Variants in SLC26A9 observed in about 807,000 individuals in gnomAD.
The protein encoded by SLC26A9 is solute carrier family 26 member 9, also known as anion transporter/exchanger protein 9.
SLC26A9 carries 46 observed loss-of-function variants against 87.1 expected under a neutral mutation model. That is an observed-to-expected ratio of 0.53 (90% CI 0.42 to 0.67). The LOEUF (loss-of-function observed/expected upper bound fraction) is 0.67, where lower values mean the gene tolerates loss of function less well. Among genes scored for constraint, SLC26A9 ranks in the 30% least tolerant of loss-of-function variants. The pLI, the probability that SLC26A9 is intolerant of heterozygous loss-of-function variation, is 0.00. For missense variants in SLC26A9, 927 were observed against 1,018.3 expected, an observed-to-expected ratio of 0.91 and a Z score of 1.22; for synonymous variants, 437 against 409.1, an observed-to-expected ratio of 1.07 and a Z score of -0.82.
intron 8 of SLC26A9, 144 bp downstream of exon 8, chr1:205,928,683 G>A (rs1659180465): frequency 1.3e-6 from 1 of 746,454 alleles, no homozygotes; most frequent in Admixed American, 2.6e-5. Context: ...TCAGGAAACG[G>A]TAATAGTAAT....
Position 205,939,263 on chromosome 1 carries a change from G to A in SLC26A9, c.-18-3425C>T, listed in dbSNP as rs187155941. Among the ~76,000 whole-genome samples, 156 of 152,266 alleles carry A rather than the reference G, an allele frequency of 1.0e-3. 1 individual carries two copies. Among genetic ancestry groups the A allele is most frequent in the Non-Finnish European group, 4.1e-4 (28 of 68,008 alleles). On this transcript the variant is annotated intron_variant, in intron 1 of 20. Coordinates refer to ENST00000367135, the MANE Select transcript of SLC26A9 (RefSeq NM_052934.4). The stretch of plus-strand genomic sequence containing the variant: ...TGATTTAACTCCAGTGTTCCTATTC[G>A]AAGGGGCTTCAGACCTTCCAGGGAC...
chr1:205,917,719 G>A (rs956914790), intron 19 of SLC26A9, among the ~76,000 whole-genome samples: 1 of 152,108 alleles, frequency 6.6e-6, no homozygotes. Context: ...TGCCTGCTTT[G>A]TCCCTCACAA....
At chr1:205,921,900 C>T in intron 16 of SLC26A9, 53 bp from the exon 17 acceptor site, 1 of 1,564,132 alleles carries the variant, frequency 6.4e-7, no homozygotes, top group Admixed American at 1.8e-5. Flanking sequence ...CTGAGCCAGA[C>T]CTTGCTGTGA....
At chr1:205,922,348 A>G (rs1379947920) in intron 16 of SLC26A9, among the ~76,000 whole-genome samples, 1 of 152,312 alleles carries the variant, frequency 6.6e-6, no homozygotes, top group Non-Finnish European at 1.5e-5. Flanking sequence ...CACGTTGGGC[A>G]GGCTGGTCTC....
intron 1 of SLC26A9, among the ~76,000 whole-genome samples, chr1:205,942,879 G>A (rs1659808360): frequency 6.6e-6 from 1 of 152,214 alleles, no homozygotes. Context: ...CCGAGCTGGT[G>A]GAGAAGTACA....
chr1:205,934,455 T>A (rs1215250815), intron 2 of SLC26A9, among the ~76,000 whole-genome samples: 1 of 152,216 alleles, frequency 6.6e-6, no homozygotes, highest in African/African-American at 2.4e-5. Flanking sequence ...ATTTGAGGGC[T>A]AGTCCATGCC....
chr1:205,923,761 G>A, intron 13 of SLC26A9, 148 bp from the exon 14 acceptor site: 1 of 811,680 alleles, frequency 1.2e-6, no homozygotes, highest in Non-Finnish European at 2.0e-6. Flanking sequence ...TTTTGCACTG[G>A]AGACACATGT....
intron 11 of SLC26A9, 70 bp from the exon 12 acceptor site, chr1:205,926,700 A>C: frequency 7.9e-7 from 1 of 1,264,876 alleles, no homozygotes; most frequent in Non-Finnish European, 1.2e-6. Context: ...CGCATACCCG[A>C]CCCCAAGGCC....
At position 205,921,659 on chromosome 1, in the gene SLC26A9, G is replaced by A. The variant is rs144796374; in HGVS notation, c.1962C>T (p.Ala654=). The A allele has an allele frequency of 1.7e-5, 27 of 1,605,284 alleles. No individual in the cohort carries two copies. In the African/African-American group the frequency reaches 3.5e-4, roughly 21 times the overall value. Residue 654 remains alanine, a synonymous_variant, in exon 17 of 21, where the codon GCC becomes GCT. Transcript: ENST00000367135. ...GGAAGGTGACGAAGGGTGGGACGCT[G>A]GCCAGCATGTCACTGGGCTCGCCGG... is the stretch of plus-strand genomic sequence containing the variant. The part of the protein sequence containing the change: ...EAPGEPSDML[A]SVPPFVTFHT...
At chr1:205,934,641 T>C (rs954551118) in intron 2 of SLC26A9, among the ~76,000 whole-genome samples, 2 of 152,260 alleles carry the variant, frequency 1.3e-5, no homozygotes, top group Non-Finnish European at 2.9e-5. Flanking sequence ...AAGGCTCTCA[T>C]GCCAGTATCA....
At chr1:205,940,706 T>C (rs1000446960) in intron 1 of SLC26A9, among the ~76,000 whole-genome samples, 1 of 152,182 alleles carries the variant, frequency 6.6e-6, no homozygotes, top group Non-Finnish European at 1.5e-5. Context: ...GGGTAGAACA[T>C]CTGCAGAGCA....
At chr1:205,916,140 A>G (rs1658582013) in intron 20 of SLC26A9, among the ~76,000 whole-genome samples, 1 of 152,212 alleles carries the variant, frequency 6.6e-6, no homozygotes, top group Non-Finnish European at 1.5e-5. Context: ...TCTGTCACCC[A>G]AGCTGGAGTG....
intron 1 of SLC26A9, among the ~76,000 whole-genome samples, chr1:205,941,517 T>G (rs76493476): frequency 0.03 from 4,636 of 152,148 alleles, 96 homozygotes; most frequent in African/African-American, 0.057. Flanking sequence ...TGTCCCTGTG[T>G]TTCCAGGGCA....
chr1:205,929,324 G>A lies in SLC26A9; in HGVS notation c.750C>T (p.His250=), dbSNP rs1659213936. 6.2e-7 allele frequency: 1 copy of A among 1,614,242 alleles called. No homozygotes were observed. The highest frequency in any genetic ancestry group is 1.3e-5 in the African/African-American group (1 of 75,074). Reference sequence around the variant, plus strand: ...CGAAGATGAGCGAGGCGATGTTGGTGTGGGGGAGGTTTTTGCAAATGTCAA... The same window carrying A: ...CGAAGATGAGCGAGGCGATGTTGGTATGGGGGAGGTTTTTGCAAATGTCAA... ...TFIDICKNLP[H]TNIASLIFAL... is the part of the protein sequence containing the mutation. The change falls in exon 7 of 21, where the codon CAC becomes CAT. Residue 250 remains histidine (H), a synonymous_variant. Transcript: ENST00000367135.
Position 205,929,339 on chromosome 1 carries a change from G to A in SLC26A9, c.735C>T (p.Cys245=). ...GSIVFTFIDI[C]KNLPHTNIAS... Reference sequence around the variant, plus strand: ...CGATGTTGGTGTGGGGGAGGTTTTTGCAAATGTCAATGAAGGTCTGGGGGA... The same window carrying A: ...CGATGTTGGTGTGGGGGAGGTTTTTACAAATGTCAATGAAGGTCTGGGGGA... Residue 245 remains cysteine, a synonymous_variant, in exon 7 of 21, where the codon TGC becomes TGT. Transcript: ENST00000367135. The A allele has an allele frequency of 6.2e-7, 1 of 1,614,104 alleles. No individual in the cohort carries two copies. Among genetic ancestry groups the A allele is most frequent in the South Asian group, 1.1e-5 (1 of 91,072 alleles).
Position 205,931,452 on chromosome 1 carries a change from G to A in SLC26A9, c.552+408C>T, listed in dbSNP as rs1249403367. Among the ~76,000 whole-genome samples, 3 of 130,582 alleles carry A rather than the reference G, an allele frequency of 2.3e-5. No individual in the cohort carries two copies. The Admixed American group carries it at 2.4e-4, about 10-fold the overall frequency. The allele number at this position is 130,582 out of a possible 152,430, so 85.7% of individuals were successfully genotyped here. Reference sequence around the variant, plus strand: ...CTGGGATGGGGAGGAGGGAGGAGGTGAGCCCTAACTTGGTTTTTTTTTTTT... The same window carrying A: ...CTGGGATGGGGAGGAGGGAGGAGGTAAGCCCTAACTTGGTTTTTTTTTTTT... On this transcript the variant is annotated intron_variant, in intron 5 of 20. Coordinates refer to ENST00000367135, the MANE Select transcript of SLC26A9 (RefSeq NM_052934.4).
At chr1:205,923,971 C>T (rs1051650217) in intron 13 of SLC26A9, among the ~76,000 whole-genome samples, 9 of 152,158 alleles carry the variant, frequency 5.9e-5, no homozygotes, top group Non-Finnish European at 1.0e-4. Flanking sequence ...TGGGCCAAGA[C>T]CCCTTCTCTG....
rs781130205 is a variant in SLC26A9, at chr1:205,915,294, C to T, written c.*63G>A. ...CCGACACCCCCTGTGACCCCAGGCT[C>T]ATCCTTTATGGAAGTCCCAAGTGCC... On this transcript the variant is annotated 3_prime_UTR_variant, in exon 21 of 21. Transcript: ENST00000367135. 4 of 1,612,070 alleles carry T rather than the reference C, an allele frequency of 2.5e-6. No homozygotes were observed. The highest frequency in any genetic ancestry group is 1.3e-5 in the African/African-American group (1 of 75,008).
At position 205,927,524 on chromosome 1, in the gene SLC26A9, G is replaced by A; in HGVS notation, c.1183C>T (p.Leu395=). The change falls in exon 10 of 21, where the codon CTG becomes TTG. Residue 395 remains leucine, a synonymous_variant. Coordinates refer to ENST00000367135, the MANE Select transcript of SLC26A9 (RefSeq NM_052934.4). ...TTTCCTCCAGCTCCATCCACAGCCA[G>A]AGTGACAGAAAGCGCACAGCAAATG... The part of the protein sequence containing the change: ...HVICCALSVT[L]AVDGAGGKSQ... The A allele has an allele frequency of 6.2e-7, 1 of 1,614,140 alleles. No individual in the cohort carries two copies. Among genetic ancestry groups the A allele is most frequent in the Non-Finnish European group, 8.5e-7 (1 of 1,180,024 alleles).
Sources: allele counts gnomAD v4.1 joint callset (sites outside exome capture counted in the v4.1 genomes callset), GRCh38; gene constraint gnomAD v4.1.1; transcripts MANE v1.5; gene names NCBI Gene and HGNC (gene_info 2026-07-23, HGNC 2026-07-21).